The following CELF2 variants were observed in gnomAD, a reference collection of about 807,000 sequenced individuals.
The protein encoded by CELF2 is CUG triplet repeat RNA-binding protein 2.
A neutral mutation model predicts 62.6 loss-of-function variants in CELF2; 8 were observed. The observed-to-expected ratio is 0.13, with a 90% CI of 0.07 to 0.23. CELF2 has a LOEUF of 0.23. CELF2 is among the 10% of genes least tolerant of loss of function. The pLI is 1.00. For missense variants in CELF2, 333 were observed against 671.0 expected (o/e 0.50, Z 5.56); for synonymous variants, 258 against 250.0 (o/e 1.03, Z -0.30).
intron 1 of CELF2, among the ~76,000 whole-genome samples, chr10:11,106,424 A>G (rs1043488950): frequency 3.9e-5 from 6 of 152,086 alleles, no homozygotes; most frequent in African/African-American, 1.2e-4. Flanking sequence ...TTTAGTAGAG[A>G]CAAGGTTTTG....
upstream of CELF2, among the ~76,000 whole-genome samples, chr10:11,004,921 T>C (rs1365221776): frequency 6.6e-6 from 1 of 152,178 alleles, no homozygotes; most frequent in Non-Finnish European, 1.5e-5. This position sits in a 1 kb window ranked among gnomAD's most constrained non-coding sequence, Gnocchi z 5.0. Context: ...TGGTTACTCA[T>C]CTGCGATGCT....
At chr10:11,042,785 T>C (rs1291869) in intron 1 of CELF2, among the ~76,000 whole-genome samples, 12,853 of 152,238 alleles carry the variant, frequency 0.084, 661 homozygotes, top group African/African-American at 0.14. Flanking sequence ...GAAATGTAAT[T>C]GTATAATATG....
At chr10:10,728,108 T>G in the CELF2 span, among the ~76,000 whole-genome samples, 1 of 150,152 alleles carries the variant, frequency 6.7e-6, no homozygotes, top group Non-Finnish European at 1.5e-5. Context: ...TCTTGAAAAA[T>G]GAGAATGATT....
rs917121219 is a variant in CELF2 at position 11,112,285 on chromosome 10, A to G, written c.75-53201A>G. Among the ~76,000 whole-genome samples the G allele has an allele frequency of 2.0e-4, 30 of 152,212 alleles. 1 individual carries two copies. Among genetic ancestry groups the G allele is most frequent in the Admixed American group, 1.5e-3 (23 of 15,284 alleles). On this transcript the variant is annotated intron_variant, in intron 1 of 12. Transcript: ENST00000633077. ...GAGCTTTTTCCTTTCTTTGAGATGT[A>G]TCTCAGGAGGTAGAAAGCACCATCA...
In CELF2 at chr10:11,005,474, C is replaced by G. The variant is rs767762357; in HGVS notation, c.53+34C>G. 1 of 1,613,628 alleles carries G rather than the reference C, an allele frequency of 6.2e-7. No individual in the cohort carries two copies. Among genetic ancestry groups the G allele is most frequent in the African/African-American group, 1.3e-5 (1 of 74,876 alleles). On this transcript the variant is annotated intron_variant, in intron 1 of 12. Coordinates refer to the CELF2 transcript ENST00000416382. This position sits in a 1 kb window ranked among gnomAD's most constrained non-coding sequence, Gnocchi z 4.3. ...TTGTGTCCTTTGTTTTTAATGCACGCTTTTCTAGTTTCTAGAGCTGGCTGA... is the reference window on the plus strand; with the variant it reads ...TTGTGTCCTTTGTTTTTAATGCACGGTTTTCTAGTTTCTAGAGCTGGCTGA...
chr10:10,901,441 A>C (rs1234730194), intron 1 of CELF2, among the ~76,000 whole-genome samples: 1 of 152,230 alleles, frequency 6.6e-6, no homozygotes, highest in Non-Finnish European at 1.5e-5. Flanking sequence ...TGAATTTTTC[A>C]ACATGTGATA....
At chr10:11,320,857 C>T in intron 10 of CELF2, 1 of 1,538,690 alleles carries the variant, frequency 6.5e-7, no homozygotes, top group Non-Finnish European at 8.7e-7. Flanking sequence ...TGCTCCTAAG[C>T]TCCCAGAAGC....
the CELF2 span, among the ~76,000 whole-genome samples, chr10:10,655,564 G>T: frequency 5.4e-5 from 6 of 111,678 alleles, 1 homozygote; most frequent in Admixed American, 3.6e-4. Context: ...CAGAAATAAC[G>T]CCGCATATCT....
chr10:10,968,915 A>T (rs1050002871), intron 2 of CELF2, among the ~76,000 whole-genome samples: 6 of 152,176 alleles, frequency 3.9e-5, no homozygotes, highest in Admixed American at 1.3e-4. Context: ...AGTTATAATG[A>T]CTCTAAGAAT....
At chr10:10,777,832 G>A in the CELF2 span, among the ~76,000 whole-genome samples, 4 of 151,928 alleles carry the variant, frequency 2.6e-5, no homozygotes, top group African/African-American at 9.7e-5. Flanking sequence ...TCACTTCCTG[G>A]CCCTTACCCT....
chr10:10,640,622 T>C, the CELF2 span, among the ~76,000 whole-genome samples: 2 of 152,236 alleles, frequency 1.3e-5, no homozygotes, highest in Non-Finnish European at 2.9e-5. Flanking sequence ...TCATTTCTTG[T>C]ATCTCTGAAT....
chr10:10,559,582 G>A, the CELF2 span, among the ~76,000 whole-genome samples: 4 of 152,170 alleles, frequency 2.6e-5, no homozygotes, highest in Non-Finnish European at 5.9e-5. Flanking sequence ...TTAAGCACCA[G>A]CAGTGATCCT....
chr10:10,472,865 T>A, the CELF2 span, among the ~76,000 whole-genome samples: 1 of 151,972 alleles, frequency 6.6e-6, no homozygotes, highest in East Asian at 1.9e-4. Flanking sequence ...CCCATGTAAT[T>A]TGGCAACTTA....
At chr10:10,742,986 G>T in the CELF2 span, among the ~76,000 whole-genome samples, 1 of 152,160 alleles carries the variant, frequency 6.6e-6, no homozygotes, top group East Asian at 1.9e-4. Flanking sequence ...TTGCTTTCCT[G>T]GTATCTCATT....
At chr10:10,760,563 A>G in the CELF2 span, among the ~76,000 whole-genome samples, 1 of 152,182 alleles carries the variant, frequency 6.6e-6, no homozygotes, top group African/African-American at 2.4e-5. Context: ...GAATTACAGA[A>G]GCAGTGAATG....
chr10:10,548,260 A>G, the CELF2 span, among the ~76,000 whole-genome samples: 1 of 152,248 alleles, frequency 6.6e-6, no homozygotes, highest in Non-Finnish European at 1.5e-5. Context: ...TTCATTGTCG[A>G]GCTCCCAATT....
chr10:10,570,087 G>A, the CELF2 span, among the ~76,000 whole-genome samples: 1 of 152,148 alleles, frequency 6.6e-6, no homozygotes. Context: ...CCCACATTGA[G>A]GTGTCATAAC....
At position 11,285,386 on chromosome 10, in the gene CELF2, C is replaced by T. The variant is rs942303702; in HGVS notation, c.842-3032C>T. On this transcript the variant is annotated intron_variant, in intron 8 of 12. Transcript: ENST00000633077. The surrounding 1 kb of genome is among the most constrained non-coding windows in gnomAD (Gnocchi z 4.3). ...GGTGCCTCAGAGACTCAGCCACTCC[C>T]CCTGGACTTTCCAGGCGGCAGCAGG... Among the ~76,000 whole-genome samples the T allele has an allele frequency of 6.6e-6, 1 of 152,138 alleles. No homozygotes were observed. Among genetic ancestry groups the T allele is most frequent in the Non-Finnish European group, 1.5e-5 (1 of 68,024 alleles).
intron 9 of CELF2, among the ~76,000 whole-genome samples, chr10:11,304,490 G>A (rs144861148): frequency 1.3e-5 from 2 of 152,354 alleles, no homozygotes; most frequent in African/African-American, 4.8e-5. Context: ...CCAAGGTCAA[G>A]GCAGTGCATC....
Sources: allele counts gnomAD v4.1 joint callset (sites outside exome capture counted in the v4.1 genomes callset), GRCh38; gene constraint gnomAD v4.1.1; non-coding constraint Gnocchi (gnomAD v3.1); transcripts MANE v1.5; gene names NCBI Gene and HGNC (gene_info 2026-07-23, HGNC 2026-07-21).